Variants in KDM5C observed in about 807,000 individuals in gnomAD.
KDM5C encodes lysine-specific demethylase 5C.
In KDM5C, 16 loss-of-function variants were observed where a neutral mutation model predicts 110.6. That is an observed-to-expected ratio of 0.14 (90% confidence interval 0.10 to 0.22). The LOEUF is 0.22. KDM5C is among the 10% of genes least tolerant of loss of function. The pLI is 1.00. For synonymous variants in KDM5C, 511 were observed against 520.4 expected (o/e 0.98, Z 0.24); for missense variants, 681 against 1,300.9 (o/e 0.52, Z 7.33).
At position 53,199,053 on chromosome X, in the gene KDM5C, C is replaced by T. The variant is rs781895754; in HGVS notation, c.2167G>A (p.Asp723Asn). The T allele has an allele frequency of 1.7e-5, 21 of 1,210,594 alleles. No individual in the cohort carries two copies. The highest frequency in any genetic ancestry group is 6.5e-5 in the Admixed American group (3 of 45,856). Residue 723 changes from aspartate to asparagine, a missense_variant, in exon 15 of 26, where the codon GAC (aspartate) becomes AAC (asparagine). Coordinates refer to ENST00000375401, the MANE Select transcript of KDM5C (RefSeq NM_004187.5). Reference sequence around the variant, plus strand: ...AGGCAGACAAGGCCGTCTGGGCAGTCGTAGCAGGCCAGGGCTGACAGGAAA... The same window carrying T: ...AGGCAGACAAGGCCGTCTGGGCAGTTGTAGCAGGCCAGGGCTGACAGGAAA... ...TCFLSALACY[D>N]CPDGLVCLSH...
chrX:53,207,678 G>T (rs1556846301), intron 12 of KDM5C, among the ~76,000 whole-genome samples: 1 of 111,912 alleles, frequency 8.9e-6, no homozygotes, highest in Non-Finnish European at 1.9e-5. Flanking sequence ...CCCGGGCGCG[G>T]TGGCTCACGC....
At chrX:53,213,587 A>G (rs781995703) in intron 8 of KDM5C, among the ~76,000 whole-genome samples, 21 of 111,393 alleles carry the variant, frequency 1.9e-4, no homozygotes, top group African/African-American at 6.9e-4. Flanking sequence ...CCCTATACCC[A>G]TAGTAGGCAT....
chrX:53,222,650 T>A (rs782113965), intron 1 of KDM5C, among the ~76,000 whole-genome samples: 3 of 111,689 alleles, frequency 2.7e-5, no homozygotes, highest in Non-Finnish European at 3.8e-5. Flanking sequence ...CCTGCCTTCA[T>A]CTCCAGACTA....
At chrX:53,207,907 A>AGCCGAGATCGTGC (rs2073399273) in intron 12 of KDM5C, among the ~76,000 whole-genome samples, 1 of 100,575 alleles carries the variant, frequency 9.9e-6, no homozygotes, top group African/African-American at 3.7e-5. Flanking sequence ...TGAGATCGTG[A>AGCCGAGATCGTGC]GCCGAGATCG....
At chrX:53,179,274 C>T (rs899161940) in intron 25 of KDM5C, among the ~76,000 whole-genome samples, 6 of 108,339 alleles carry the variant, frequency 5.5e-5, no homozygotes, top group Admixed American at 9.9e-5. Flanking sequence ...TGCAGTGAGC[C>T]GAGATCGTGC....
At position 53,215,890 on chromosome X, in the gene KDM5C, T is replaced by A. The variant is rs782002752; in HGVS notation, c.868A>T (p.Thr290Ser). 2.5e-6 allele frequency: 3 copies of A among 1,211,030 alleles called. No individual in the cohort carries two copies. The highest frequency in any genetic ancestry group is 2.2e-6 in the Non-Finnish European group (2 of 894,955). The change falls in exon 7 of 26, where the codon ACC becomes TCC. Residue 290 changes from threonine to serine, a missense_variant. Thr to Ser is a moderately conservative substitution (Grantham distance 58). Around this residue, in one of 14 missense-constraint regions of KDM5C, gnomAD observed 71 missense variants for 115.0 expected, o/e 0.62. Coordinates refer to ENST00000375401, the MANE Select transcript of KDM5C (RefSeq NM_004187.5). ...DVKVESTSPK[T>S]FLESKEELSH... ...AGCTCCTCCTTGCTCTCCAGGAAGG[T>A]CTTAGGCGATGTTGACTCCACCTTC...
intron 18 of KDM5C, 106 bp downstream of exon 18, chrX:53,197,665 C>T: frequency 3.2e-6 from 2 of 618,766 alleles, no homozygotes; most frequent in East Asian, 3.6e-5. Flanking sequence ...ACACGTGTGT[C>T]CTGTCTTGCC....
intron 25 of KDM5C, among the ~76,000 whole-genome samples, chrX:53,181,876 C>T (rs1251934482): frequency 4.6e-5 from 5 of 108,714 alleles, no homozygotes; most frequent in Non-Finnish European, 7.6e-5. Flanking sequence ...GCAAGCTCCG[C>T]CTGCTGGGTT....
At chrX:53,197,285 ATTC>A (rs1299446596) in intron 18 of KDM5C, among the ~76,000 whole-genome samples, 1 of 111,561 alleles carries the variant, frequency 9.0e-6, no homozygotes, top group Admixed American at 9.5e-5. Context: ...ACCCTGAGAG[ATTC>A]TTAATTAACT....
chrX:53,221,897 CCAAAGGT>C (rs1455715974), intron 1 of KDM5C: 2 of 342,087 alleles, frequency 5.8e-6, no homozygotes, highest in Non-Finnish European at 1.0e-5. Flanking sequence ...TGTGTCCTGC[CCAAAGGT>C]CAGCTGTGAA....
Position 53,193,611 on chromosome X carries a change from C to T in KDM5C, c.4143G>A (p.Leu1381=), listed in dbSNP as rs782080447. 3.3e-6 allele frequency: 4 copies of T among 1,210,458 alleles called. No homozygotes were observed. The highest frequency in any genetic ancestry group is 4.5e-6 in the Non-Finnish European group (4 of 895,273). The part of the protein sequence containing the change: ...KRDLELLSSL[L]PQLTGPVLEL... Reference sequence around the variant, plus strand: ...CCAACACAGGGCCAGTCAACTGTGGCAACAGCGAGGACAGCAGCTCCAGAT... The same window carrying T: ...CCAACACAGGGCCAGTCAACTGTGGTAACAGCGAGGACAGCAGCTCCAGAT... Residue 1381 remains leucine, a synonymous_variant, in exon 25 of 26, where the codon TTG becomes TTA. Coordinates refer to ENST00000375401, the MANE Select transcript of KDM5C (RefSeq NM_004187.5).
Position 53,194,644 on chromosome X carries a change from G to C in KDM5C, c.3533C>G (p.Ser1178Trp). Residue 1178 changes from serine (S) to tryptophan (W), a missense_variant, in exon 23 of 26, where the codon TCG (serine) becomes TGG (tryptophan). Coordinates refer to ENST00000375401, the MANE Select transcript of KDM5C (RefSeq NM_004187.5). ...AGAGGTTGTAGAGGAGGCCGTGCTC[G>C]ATGATGCCAGTGGACTGGGCTTGGC... ...NSAKPSPLASSSTASSTTSIC... is the reference protein window; with the variant it reads ...NSAKPSPLASWSTASSTTSIC... The C allele has an allele frequency of 8.3e-7, 1 of 1,212,078 alleles. No homozygotes were observed. Among genetic ancestry groups the C allele is most frequent in the Non-Finnish European group, 1.1e-6 (1 of 895,505 alleles).
chrX:53,181,217 G>A (rs1934038336), intron 25 of KDM5C, among the ~76,000 whole-genome samples: 1 of 110,511 alleles, frequency 9.0e-6, no homozygotes, highest in Non-Finnish European at 1.9e-5. Flanking sequence ...CCTGAAATCA[G>A]ACATAAAACC....
At chrX:53,187,130 G>A (rs1171742580), downstream of KDM5C, among the ~76,000 whole-genome samples, 1 of 111,399 alleles carries the variant, frequency 9.0e-6, no homozygotes, top group Non-Finnish European at 1.9e-5. Context: ...GGTTATGCAT[G>A]GACTCCACAA....
At position 53,206,143 on chromosome X, in the gene KDM5C, C is replaced by T. The variant is rs782108319; in HGVS notation, c.1747-4170G>A. On this transcript the variant is annotated intron_variant, in intron 12 of 25. Coordinates refer to ENST00000375401, the MANE Select transcript of KDM5C (RefSeq NM_004187.5). ...TCATCAACTGGTGTATATTACTGGG[C>T]CATCAAAGGAATAAAGTTCTGATAC... 3.6e-5 allele frequency among the ~76,000 whole-genome samples: 4 copies of T among 112,378 alleles called. No homozygotes were observed. In the South Asian group the frequency reaches 1.5e-3, roughly 41 times the overall value.
At chrX:53,216,009 T>C (rs376392864) in intron 6 of KDM5C, 33 bp from the exon 7 acceptor site, 39 of 1,210,040 alleles carry the variant, frequency 3.2e-5, no homozygotes, top group Non-Finnish European at 4.4e-5. Context: ...TAAACACAGG[T>C]CTAGGACACT....
rs781867616 is a variant in KDM5C at position 53,199,382 on chromosome X, AATTTTATAGAG to A, written c.2062-235_2062-225del. Among the ~76,000 whole-genome samples, 182 of 111,715 alleles carry A rather than the reference AATTTTATAGAG, an allele frequency of 1.6e-3. 2 individuals are homozygous for A. The highest frequency in any genetic ancestry group is 5.4e-3 in the African/African-American group (166 of 30,780). On this transcript the variant is annotated intron_variant, in intron 14 of 25. Transcript: ENST00000375401. ...AAGATCAGTGTGCGCTGAGTCAGATAATTTTATAGAGGAAGAAAAATCAGGTAAGATCCAGA... is the reference window on the plus strand; with the variant it reads ...AAGATCAGTGTGCGCTGAGTCAGATAGAAGAAAAATCAGGTAAGATCCAGA...
intron 1 of KDM5C, among the ~76,000 whole-genome samples, chrX:53,224,159 T>C (rs1414668846): frequency 2.7e-5 from 3 of 111,982 alleles, no homozygotes; most frequent in African/African-American, 9.8e-5. Flanking sequence ...TTACCACTTA[T>C]CTAGTGCGTA....
chrX:53,177,203 T>G (rs953452211), intron 25 of KDM5C, among the ~76,000 whole-genome samples: 3 of 111,484 alleles, frequency 2.7e-5, no homozygotes. Flanking sequence ...TTAAATAAAC[T>G]TTCACTCCTG....
Sources: gnomAD v4.1 joint callset for allele counts (sites outside exome capture counted in the v4.1 genomes callset) on GRCh38, gnomAD v4.1.1 for gene constraint, gnomAD v4.1.1 regional missense constraint, MANE v1.5 for transcripts, NCBI Gene and HGNC (gene_info 2026-07-23, HGNC 2026-07-21) for gene names.